Variants in A3GALT2 observed in about 807,000 individuals in gnomAD.
A3GALT2 encodes the protein alpha 1,3-galactosyltransferase 2.
Under a neutral mutation model 16.6 loss-of-function variants are expected in A3GALT2, and 14 were observed. The observed-to-expected ratio is 0.84, with a 90% CI of 0.56 to 1.32. The LOEUF is 1.32. Among genes scored for constraint, A3GALT2 ranks in the 40% most tolerant of loss-of-function variants. The probability of loss-of-function intolerance (pLI) is 0.00; values close to 1 mark genes in which losing one functional copy is unlikely to be tolerated. For synonymous variants in A3GALT2, 253 were observed against 218.0 expected (o/e 1.16, Z -1.42); for missense variants, 600 against 490.9 (o/e 1.22, Z -2.10).
chr1:33,306,962 A>T lies in A3GALT2; in HGVS notation c.827T>A (p.Leu276Gln), dbSNP rs752322791. The T allele has an allele frequency of 1.3e-6, 2 of 1,502,540 alleles. No individual in the cohort carries two copies. The highest frequency in any genetic ancestry group is 1.8e-6 in the Non-Finnish European group (2 of 1,132,180). 93.1% of individuals were successfully genotyped at this position (1,502,540 alleles called of 1,614,324 possible). ...CAGGCCGCGCGCGCGGTCCCAGTCC[A>T]GGCCCCCCGCACAGTGCGCCGTCAG... ...RGLTAHCAGG[L>Q]DWDRARGLEA... The change falls in exon 5 of 5, where the codon CTG becomes CAG. Residue 276 changes from leucine (L) to glutamine (Q), a missense_variant. Physicochemically the swap from Leu to Gln is moderately radical, Grantham distance 113. Coordinates refer to ENST00000442999, the MANE Select transcript of A3GALT2 (RefSeq NM_001080438.1).
At chr1:33,311,029 T>C (rs996348017) in intron 4 of A3GALT2, among the ~76,000 whole-genome samples, 5 of 152,192 alleles carry the variant, frequency 3.3e-5, no homozygotes, top group African/African-American at 1.2e-4. Context: ...CTTGAACAGT[T>C]GTCTGGGGTA....
intron 1 of A3GALT2, among the ~76,000 whole-genome samples, chr1:33,317,451 CA>C (rs536180935): frequency 1.3e-5 from 2 of 152,244 alleles, no homozygotes; most frequent in East Asian, 1.9e-4. Context: ...AATTTACACA[CA>C]AAAAAATTGA....
chr1:33,317,254 A>C (rs1390208822), intron 1 of A3GALT2, among the ~76,000 whole-genome samples: 3 of 152,226 alleles, frequency 2.0e-5, no homozygotes, highest in African/African-American at 7.2e-5. Flanking sequence ...AAAGGAAAAA[A>C]GCAGGATCTA....
rs1646194502 is a variant in A3GALT2, at chr1:33,306,826, G to C, written c.963C>G (p.Ala321=). 2 of 1,491,600 alleles carry C rather than the reference G, an allele frequency of 1.3e-6. No homozygotes were observed. Among genetic ancestry groups the C allele is most frequent in the Admixed American group, 2.3e-5 (1 of 43,582 alleles). 92.4% of individuals were successfully genotyped at this position (1,491,600 alleles called of 1,614,324 possible). A position where few individuals can be genotyped will look rare whatever the true frequency, so the allele number is the denominator to read the frequency against. ...FCWSPDIGPR[A]EIRRPRLLWA... is the part of the protein sequence containing the mutation. ...ACAGCAGTCGCGGGCGGCGGATCTC[G>C]GCCCGCGGGCCGATGTCCGGGCTCC... The change falls in exon 5 of 5, where the codon GCC becomes GCG. Residue 321 remains alanine (A), a synonymous_variant. Transcript: ENST00000442999.
intron 1 of A3GALT2, among the ~76,000 whole-genome samples, chr1:33,318,958 T>C (rs1451185859): frequency 1.3e-5 from 2 of 152,220 alleles, no homozygotes; most frequent in African/African-American, 4.8e-5. Flanking sequence ...AGTTGACTGG[T>C]ACTCCTTTGC....
chr1:33,321,034 T>A, intron 1 of A3GALT2, 42 bp downstream of exon 1: 1 of 1,611,970 alleles, frequency 6.2e-7, no homozygotes, highest in Non-Finnish European at 8.5e-7. Flanking sequence ...AGCTCAGCTG[T>A]CCCCAAGCTT....
intron 1 of A3GALT2, 110 bp from the exon 2 acceptor site, chr1:33,313,000 G>T (rs897047830): frequency 1.0e-5 from 9 of 868,266 alleles, no homozygotes; most frequent in Non-Finnish European, 1.7e-5. Context: ...TGGTTCTTCT[G>T]CATGAAGGTA....
chr1:33,319,333 C>G (rs547504768), intron 1 of A3GALT2, among the ~76,000 whole-genome samples: 14 of 152,250 alleles, frequency 9.2e-5, no homozygotes, highest in African/African-American at 3.4e-4. Context: ...TACCTCAGGG[C>G]AGCGCTCAGC....
At chr1:33,318,825 G>A (rs1357889586) in intron 1 of A3GALT2, among the ~76,000 whole-genome samples, 3 of 152,162 alleles carry the variant, frequency 2.0e-5, no homozygotes, top group Admixed American at 6.5e-5. Flanking sequence ...CCTGCCAAGC[G>A]ATGCTAGGGA....
Position 33,307,388 on chromosome 1 carries a change from C to T in A3GALT2, c.401G>A (p.Ser134Asn), listed in dbSNP as rs758582009. 13 of 1,565,830 alleles carry T rather than the reference C, an allele frequency of 8.3e-6. No individual in the cohort carries two copies. Among genetic ancestry groups the T allele is most frequent in the Non-Finnish European group, 1.1e-5 (13 of 1,162,824 alleles). Residue 134 changes from serine to asparagine, a missense_variant, in exon 5 of 5, where the codon AGC (serine) becomes AAC (asparagine). By Grantham distance (46) the Ser-to-Asn change is conservative (BLOSUM62 1). Transcript: ENST00000442999. Reference sequence around the variant, plus strand: ...CTCGGTGAACACGTAGTACATCACGCTCTGGCCCGCCATGAAGTGCTGCTC... The same window carrying T: ...CTCGGTGAACACGTAGTACATCACGTTCTGGCCCGCCATGAAGTGCTGCTC... ...TAEQHFMAGQ[S>N]VMYYVFTELP... is the part of the protein sequence containing the mutation.
rs1557805622 is a variant in A3GALT2 at position 33,307,073 on chromosome 1, T to TA, written c.715_716insT (p.His239LeufsTer15). On this transcript the variant is annotated frameshift_variant, in exon 5 of 5. Transcript: ENST00000442999. LOFTEE classifies it low-confidence loss of function (END_TRUNC). ...GCCCCACGCCATCGCGGCGGCCGAATGCGCGTCGCGTTCGAAGGGCAGCAG... is the reference window on the plus strand; with the variant it reads ...GCCCCACGCCATCGCGGCGGCCGAATAGCGCGTCGCGTTCGAAGGGCAGCAG... The TA allele has an allele frequency of 7.9e-6, 12 of 1,519,122 alleles. No individual in the cohort carries two copies. The highest frequency in any genetic ancestry group is 1.4e-5 in the African/African-American group (1 of 69,924). 94.1% of individuals were successfully genotyped at this position (1,519,122 alleles called of 1,614,324 possible).
At position 33,307,368 on chromosome 1, in the gene A3GALT2, T is replaced by C. The variant is rs759234788; in HGVS notation, c.421A>G (p.Thr141Ala). ...AGQSVMYYVF[T>A]ELPGAVPRVA... Reference sequence around the variant, plus strand: ...CGGGGCACCGCTCCCGGAAGCTCGGTGAACACGTAGTACATCACGCTCTGG... The same window carrying C: ...CGGGGCACCGCTCCCGGAAGCTCGGCGAACACGTAGTACATCACGCTCTGG... Residue 141 changes from threonine (T) to alanine (A), a missense_variant, in exon 5 of 5, where the codon ACC becomes GCC. By Grantham distance (58) the Thr-to-Ala change is moderately conservative. Transcript: ENST00000442999. The C allele has an allele frequency of 6.4e-7, 1 of 1,553,948 alleles. No individual in the cohort carries two copies. The highest frequency in any genetic ancestry group is 1.7e-4 in the Middle Eastern group (1 of 5,902).
Position 33,312,059 on chromosome 1 carries a change from C to A in A3GALT2, c.328G>T (p.Val110Leu), listed in dbSNP as rs367728258. 1.3e-5 allele frequency: 21 copies of A among 1,613,476 alleles called. No individual in the cohort carries two copies. In the African/African-American group the frequency reaches 2.5e-4, roughly 19 times the overall value. ...NLTIGLTIFA[V>L]GRYLEKYLER... is the part of the protein sequence containing the mutation. ...CCCCTTCCCAGGCCTTACCTGCCTA[C>A]AGCAAAGATAGTCAGCCCAATGGTG... The change falls in exon 4 of 5, where the codon GTA becomes TTA. Residue 110 changes from valine (V) to leucine (L), a missense_variant. Coordinates refer to ENST00000442999, the MANE Select transcript of A3GALT2 (RefSeq NM_001080438.1).
chr1:33,307,405 G>T lies in A3GALT2; in HGVS notation c.384C>A (p.His128Gln). The T allele has an allele frequency of 6.4e-7, 1 of 1,559,510 alleles. No individual in the cohort carries two copies. Residue 128 changes from histidine (H) to glutamine (Q), a missense_variant, in exon 5 of 5, where the codon CAC (histidine) becomes CAA (glutamine). Transcript: ENST00000442999. The stretch of plus-strand genomic sequence containing the variant: ...ACATCACGCTCTGGCCCGCCATGAA[G>T]TGCTGCTCCGCCGTCTCCAGGAAGC... ...LERFLETAEQHFMAGQSVMYY... is the reference protein window; with the variant it reads ...LERFLETAEQQFMAGQSVMYY...
intron 1 of A3GALT2, chr1:33,313,800 G>A (rs1009626665): frequency 1.3e-5 from 2 of 152,216 alleles, no homozygotes; most frequent in African/African-American, 2.4e-5. Context: ...CCTGGGGCAA[G>A]GTCTGGTCCT....
intron 4 of A3GALT2, among the ~76,000 whole-genome samples, chr1:33,308,542 TTACAAGTGGCCACCACCACGC>T (rs1466689984): frequency 6.6e-6 from 1 of 151,934 alleles, no homozygotes; most frequent in Non-Finnish European, 1.5e-5. Flanking sequence ...GTAGCTGGGA[TTACAAGTGGCCACCACCACGC>T]CCGGCCAATT....
rs149957768 is a variant in A3GALT2, at chr1:33,319,033, G to T, written c.23+2043C>A. Among the ~76,000 whole-genome samples, 219 of 152,218 alleles carry T rather than the reference G, an allele frequency of 1.4e-3. 1 individual carries two copies. The highest frequency in any genetic ancestry group is 5.2e-3 in the African/African-American group (216 of 41,532). Reference sequence around the variant, plus strand: ...TATGCATAATCCCAGACACTGAGACGGATACCTGGCCAAGTGTATTATGTG... The same window carrying T: ...TATGCATAATCCCAGACACTGAGACTGATACCTGGCCAAGTGTATTATGTG... On this transcript the variant is annotated intron_variant, in intron 1 of 4. Coordinates refer to ENST00000442999, the MANE Select transcript of A3GALT2 (RefSeq NM_001080438.1).
rs544052228 is a variant in A3GALT2 at position 33,307,211 on chromosome 1, T to G, written c.578A>C (p.His193Pro). 1 of 1,508,108 alleles carries G rather than the reference T, an allele frequency of 6.6e-7. No individual in the cohort carries two copies. Among genetic ancestry groups the G allele is most frequent in the South Asian group, 1.2e-5 (1 of 80,332 alleles). The allele number at this position is 1,508,108 out of a possible 1,614,324, so 93.4% of individuals were successfully genotyped here. Residue 193 changes from histidine (H) to proline (P), a missense_variant, in exon 5 of 5, where the codon CAC becomes CCC. Transcript: ENST00000442999. The part of the protein sequence containing the change: ...ALGGLPGREA[H>P]FMFCMDVDQH... The stretch of plus-strand genomic sequence containing the variant: ...GTCCACGTCCATGCAGAACATGAAG[T>G]GCGCCTCGCGGCCCGGCAGCCCGCC...
At position 33,306,913 on chromosome 1, in the gene A3GALT2, G is replaced by A; in HGVS notation, c.876C>T (p.Ser292=). Residue 292 remains serine (S), a synonymous_variant, in exon 5 of 5, where the codon AGC becomes AGT. Transcript: ENST00000442999. ...GCAGCCAGAAGAACTTGTTGAGGTGGCTCTCGTCGTGCCAGCGCGCCTCCA... is the reference window on the plus strand; with the variant it reads ...GCAGCCAGAAGAACTTGTTGAGGTGACTCTCGTCGTGCCAGCGCGCCTCCA... ...RGLEARWHDE[S]HLNKFFWLHK... 1 of 1,521,384 alleles carries A rather than the reference G, an allele frequency of 6.6e-7. No individual in the cohort carries two copies. 94.2% of individuals were successfully genotyped at this position (1,521,384 alleles called of 1,614,324 possible). A position where few individuals can be genotyped will look rare whatever the true frequency, so the allele number is the denominator to read the frequency against.
Sources: gnomAD v4.1 joint callset for allele counts (sites outside exome capture counted in the v4.1 genomes callset) on GRCh38, gnomAD v4.1.1 for gene constraint, MANE v1.5 for transcripts, NCBI Gene and HGNC (gene_info 2026-07-23, HGNC 2026-07-21) for gene names.